TRIP4: variants seen among roughly 807,000 people sequenced by gnomAD.
TRIP4 encodes activating signal cointegrator 1.
A neutral mutation model predicts 81.8 loss-of-function variants in TRIP4; 54 were observed. The observed-to-expected ratio is 0.66, with a 90% CI of 0.53 to 0.83. The LOEUF is 0.83. TRIP4 is among the 40% of genes least tolerant of loss of function. The pLI is 0.00. For missense variants in TRIP4, 662 were observed against 683.6 expected (o/e 0.97, Z 0.35); for synonymous variants, 270 against 242.8 (o/e 1.11, Z -1.04).
intron 1 of TRIP4, among the ~76,000 whole-genome samples, chr15:64,392,242 G>A (rs1303791520): frequency 2.0e-5 from 3 of 152,028 alleles, no homozygotes; most frequent in Non-Finnish European, 4.4e-5. Flanking sequence ...AGTTTGCAGT[G>A]AGCTGAGATC....
At chr15:64,420,801 G>A (rs1022427296) in intron 9 of TRIP4, among the ~76,000 whole-genome samples, 1 of 151,536 alleles carries the variant, frequency 6.6e-6, no homozygotes, top group African/African-American at 2.4e-5. Flanking sequence ...CAAAGTGCTG[G>A]GATTATAGGC....
At chr15:64,398,589 A>C (rs1256319629) in intron 4 of TRIP4, among the ~76,000 whole-genome samples, 1 of 152,134 alleles carries the variant, frequency 6.6e-6, no homozygotes, top group Admixed American at 6.6e-5. Context: ...GAAGAAAGAA[A>C]GAACCCCAGG....
At chr15:64,439,299 CAG>C (rs966898953) in intron 11 of TRIP4, among the ~76,000 whole-genome samples, 1 of 152,056 alleles carries the variant, frequency 6.6e-6, no homozygotes, top group Non-Finnish European at 1.5e-5. Flanking sequence ...ACCTCTTTAT[CAG>C]ACTCATTTCC....
At chr15:64,418,100 A>C (rs1891927039) in intron 8 of TRIP4, among the ~76,000 whole-genome samples, 1 of 151,988 alleles carries the variant, frequency 6.6e-6, no homozygotes, top group Non-Finnish European at 1.5e-5. Context: ...AGATGGGATT[A>C]TTTTTCATTT....
chr15:64,439,510 A>ATTTT (rs1488475530), intron 11 of TRIP4, among the ~76,000 whole-genome samples: 2 of 122,724 alleles, frequency 1.6e-5, no homozygotes, highest in African/African-American at 6.1e-5. Context: ...CAACTTATAA[A>ATTTT]TCTTTTTTTT....
At chr15:64,416,534 G>A (rs1483192492) in intron 8 of TRIP4, among the ~76,000 whole-genome samples, 1 of 152,118 alleles carries the variant, frequency 6.6e-6, no homozygotes, top group South Asian at 2.1e-4. Context: ...ACCAGCCTGG[G>A]CAACAGAGCA....
intron 12 of TRIP4, 156 bp downstream of exon 12, chr15:64,445,264 G>T: frequency 4.7e-6 from 2 of 428,592 alleles, no homozygotes; most frequent in South Asian, 6.2e-5. Context: ...AATCTTTGAT[G>T]GTCTAATTTT....
chr15:64,394,960 T>G (rs1453602662), intron 2 of TRIP4, among the ~76,000 whole-genome samples: 2 of 152,162 alleles, frequency 1.3e-5, no homozygotes. Flanking sequence ...TTCTCCCACC[T>G]CAGCCTCCTG....
At chr15:64,421,508 G>A (rs1047379118) in intron 9 of TRIP4, among the ~76,000 whole-genome samples, 2 of 150,668 alleles carry the variant, frequency 1.3e-5, no homozygotes, top group African/African-American at 4.9e-5. Context: ...GCTAATTTTT[G>A]TATTTTTAGA....
chr15:64,408,716 C>A (rs1891690044), intron 6 of TRIP4, among the ~76,000 whole-genome samples: 1 of 152,118 alleles, frequency 6.6e-6, no homozygotes, highest in South Asian at 2.1e-4. Context: ...AATCACTCAA[C>A]TTCTATGAGC....
chr15:64,435,156 C>T (rs1459109466), intron 11 of TRIP4, among the ~76,000 whole-genome samples: 5 of 131,142 alleles, frequency 3.8e-5, no homozygotes, highest in Non-Finnish European at 3.1e-5. Context: ...GCAAGGGTTG[C>T]AGTGAGCAGA....
intron 2 of TRIP4, among the ~76,000 whole-genome samples, chr15:64,394,343 C>A (rs1390251211): frequency 6.6e-6 from 1 of 152,090 alleles, no homozygotes; most frequent in Non-Finnish European, 1.5e-5. Flanking sequence ...TGGTGGCTCA[C>A]GCCTGTAATC....
intron 12 of TRIP4, among the ~76,000 whole-genome samples, chr15:64,454,390 G>T (rs961199576): frequency 1.3e-5 from 2 of 152,156 alleles, no homozygotes; most frequent in Admixed American, 1.3e-4. Context: ...TTTCATTAGG[G>T]TCACCTGGGA....
chr15:64,393,066 G>T (rs1426712070), intron 1 of TRIP4, among the ~76,000 whole-genome samples: 3 of 151,826 alleles, frequency 2.0e-5, no homozygotes, highest in Non-Finnish European at 4.4e-5. Flanking sequence ...AAAGGATATA[G>T]CACTATGGTA....
intron 7 of TRIP4, among the ~76,000 whole-genome samples, chr15:64,413,712 C>T (rs113805773): frequency 1.1e-4 from 16 of 152,206 alleles, no homozygotes; most frequent in African/African-American, 3.1e-4. Context: ...CTCAGCCTCC[C>T]GAGTAGCTGG....
At chr15:64,441,213 G>C (rs568873297) in intron 11 of TRIP4, among the ~76,000 whole-genome samples, 1 of 151,786 alleles carries the variant, frequency 6.6e-6, no homozygotes, top group Non-Finnish European at 1.5e-5. Context: ...AGCCAGGATG[G>C]TCTCAATCTC....
intron 11 of TRIP4, among the ~76,000 whole-genome samples, chr15:64,427,941 TTC>T (rs1892184592): frequency 6.6e-6 from 1 of 152,140 alleles, no homozygotes; most frequent in African/African-American, 2.4e-5. Flanking sequence ...AATGTCTACT[TTC>T]TTCCTCCCCC....
chr15:64,398,310 G>A (rs926469201), intron 4 of TRIP4, among the ~76,000 whole-genome samples: 1 of 149,756 alleles, frequency 6.7e-6, no homozygotes, highest in South Asian at 2.1e-4. Flanking sequence ...GCACACGCCT[G>A]TAGTCCCAAC....
chr15:64,399,984 AAAG>A (rs1167041656), intron 4 of TRIP4, among the ~76,000 whole-genome samples: 32 of 151,544 alleles, frequency 2.1e-4, no homozygotes, highest in African/African-American at 6.8e-4. Context: ...AAAAAAAAAA[AAAG>A]AAAGAAAAAA....
Sources: gnomAD v4.1 joint callset for allele counts (sites outside exome capture counted in the v4.1 genomes callset) on GRCh38, gnomAD v4.1.1 for gene constraint, MANE v1.5 for transcripts, NCBI Gene and HGNC (gene_info 2026-07-23, HGNC 2026-07-21) for gene names.